Variants in ITGA8 observed in about 807,000 individuals in gnomAD.
The protein encoded by ITGA8 is integrin alpha-8.
Under a neutral mutation model 142.3 loss-of-function variants are expected in ITGA8, and 91 were observed. The observed-to-expected ratio is 0.64, with a 90% CI of 0.54 to 0.76. The LOEUF (loss-of-function observed/expected upper bound fraction) is 0.76. Ranked by LOEUF, ITGA8 falls within the 30% of genes least tolerant of loss-of-function variation. The pLI is 0.00. For synonymous variants in ITGA8, 505 were observed against 485.2 expected, an observed-to-expected ratio of 1.04 and a Z score of -0.54; for missense variants, 1,406 against 1,327.7, an observed-to-expected ratio of 1.06 and a Z score of -0.92.
intron 27 of ITGA8, among the ~76,000 whole-genome samples, chr10:15,536,564 C>A (rs370230934): frequency 2.0e-5 from 3 of 152,184 alleles, no homozygotes; most frequent in African/African-American, 7.2e-5. Context: ...TATAACCTCT[C>A]TCCCATATAG....
At chr10:15,627,397 G>T (rs1419609967) in intron 13 of ITGA8, among the ~76,000 whole-genome samples, 1 of 152,196 alleles carries the variant, frequency 6.6e-6, no homozygotes, top group Middle Eastern at 3.2e-3. Context: ...CTGTGGTCTG[G>T]TTGGACCGCC....
intron 27 of ITGA8, among the ~76,000 whole-genome samples, chr10:15,533,428 C>A (rs565109601): frequency 2.0e-5 from 3 of 152,094 alleles, no homozygotes. Context: ...TTATACAATT[C>A]GGAAACTTTT....
intron 26 of ITGA8, among the ~76,000 whole-genome samples, chr10:15,550,635 T>C (rs17137435): frequency 0.055 from 8,425 of 152,122 alleles, 758 homozygotes; most frequent in African/African-American, 0.19. Context: ...AGGGCATGCT[T>C]GAGAAAGGGA....
At chr10:15,589,202 C>T (rs1378903140) in intron 22 of ITGA8, among the ~76,000 whole-genome samples, 1 of 152,184 alleles carries the variant, frequency 6.6e-6, no homozygotes, top group Non-Finnish European at 1.5e-5. Context: ...CACTTTATTA[C>T]TCCAATGCTA....
At chr10:15,535,043 C>T (rs11812336) in intron 27 of ITGA8, among the ~76,000 whole-genome samples, 3,945 of 152,146 alleles carry the variant, frequency 0.026, 167 homozygotes, top group African/African-American at 0.09. Flanking sequence ...GTGAGTTCCG[C>T]GGGTGAGTGT....
chr10:15,627,410 C>A (rs1833604534), intron 13 of ITGA8, among the ~76,000 whole-genome samples: 1 of 152,196 alleles, frequency 6.6e-6, no homozygotes, highest in Non-Finnish European at 1.5e-5. Context: ...GGACCGCCAG[C>A]TTTCTGGCTT....
rs769292343 is a variant in ITGA8, at chr10:15,606,336, C to T, written c.1851G>A (p.Leu617=). Reference sequence around the variant, plus strand: ...AGTAGTTCAATATTGGTTTCACTTCCAGGCCTTCTTTAAAGGTGGATTCGT... The same window carrying T: ...AGTAGTTCAATATTGGTTTCACTTCTAGGCCTTCTTTAAAGGTGGATTCGT... ...SLDESTFKEG[L]EVKPILNYYR... Residue 617 remains leucine (L), a synonymous_variant, in exon 18 of 30, where the codon CTG becomes CTA. Coordinates refer to ENST00000378076, the MANE Select transcript of ITGA8 (RefSeq NM_003638.3). 6.2e-7 allele frequency: 1 copy of T among 1,612,190 alleles called. No homozygotes were observed. Among genetic ancestry groups the T allele is most frequent in the Admixed American group, 1.7e-5 (1 of 59,974 alleles).
intron 8 of ITGA8, among the ~76,000 whole-genome samples, chr10:15,668,032 G>A (rs1433248181): frequency 3.3e-5 from 5 of 152,282 alleles, no homozygotes; most frequent in South Asian, 4.1e-4. Flanking sequence ...ATGTCTATTA[G>A]GTCCACTTGG....
At chr10:15,521,042 A>G (rs1294396086) in intron 28 of ITGA8, among the ~76,000 whole-genome samples, 1 of 152,160 alleles carries the variant, frequency 6.6e-6, no homozygotes, top group East Asian at 1.9e-4. Context: ...TTTGTGAGAC[A>G]GTGTCTCACT....
At chr10:15,565,125 T>C (rs904245201) in intron 25 of ITGA8, among the ~76,000 whole-genome samples, 1 of 152,214 alleles carries the variant, frequency 6.6e-6, no homozygotes, top group Non-Finnish European at 1.5e-5. Flanking sequence ...GACTGTGTAA[T>C]TCTTTTTGAT....
Position 15,613,892 on chromosome 10 carries a change from C to G in ITGA8, c.1446-125G>C, listed in dbSNP as rs1437712915. 2.8e-5 allele frequency: 18 copies of G among 650,676 alleles called. No homozygotes were observed. The East Asian group carries it at 4.9e-4, about 18-fold the overall frequency. 40.3% of individuals were successfully genotyped at this position (650,676 alleles called of 1,614,324 possible). ...TACTCCACAGGCCATTGCCAACGTTCTCAGCATTTGTGCCAAGAATTTTGC... is the reference window on the plus strand; with the variant it reads ...TACTCCACAGGCCATTGCCAACGTTGTCAGCATTTGTGCCAAGAATTTTGC... On this transcript the variant is annotated intron_variant, in intron 14 of 29. Transcript: ENST00000378076.
chr10:15,559,017 AG>A (rs1833930879), intron 25 of ITGA8, among the ~76,000 whole-genome samples: 1 of 152,242 alleles, frequency 6.6e-6, no homozygotes, highest in Non-Finnish European at 1.5e-5. Context: ...TTCTCTTTGT[AG>A]TCACAGGAGC....
At position 15,647,056 on chromosome 10, in the gene ITGA8, A is replaced by G; in HGVS notation, c.1002-5T>C. 6.2e-7 allele frequency: 1 copy of G among 1,611,944 alleles called. No homozygotes were observed. Among genetic ancestry groups the G allele is most frequent in the Non-Finnish European group, 8.5e-7 (1 of 1,179,112 alleles). On this transcript the variant is annotated splice_region_variant and splice_polypyrimidine_tract_variant and intron_variant, in intron 11 of 29. Coordinates refer to ENST00000378076, the MANE Select transcript of ITGA8 (RefSeq NM_003638.3). ...CCAACCAGGACATCATCCAGTCTGTAAGGAACAAAGAAAGCAGCTCAGCAC... is the reference window on the plus strand; with the variant it reads ...CCAACCAGGACATCATCCAGTCTGTGAGGAACAAAGAAAGCAGCTCAGCAC...
intron 24 of ITGA8, among the ~76,000 whole-genome samples, chr10:15,575,254 G>T (rs1177005482): frequency 6.6e-6 from 1 of 152,120 alleles, no homozygotes; most frequent in Non-Finnish European, 1.5e-5. Context: ...GCCAGGTGTG[G>T]TGGTGTGTAC....
intron 21 of ITGA8, among the ~76,000 whole-genome samples, chr10:15,595,691 C>T (rs934217859): frequency 6.6e-6 from 1 of 152,166 alleles, no homozygotes; most frequent in Non-Finnish European, 1.5e-5. Context: ...AACGAGTGGT[C>T]CATCATCTAC....
chr10:15,628,250 G>A (rs543800252), intron 13 of ITGA8, among the ~76,000 whole-genome samples: 2 of 151,032 alleles, frequency 1.3e-5, no homozygotes, highest in African/African-American at 4.9e-5. Context: ...TCTGCCTATG[G>A]CAGCCATTCT....
At chr10:15,636,397 A>G (rs1012549481) in intron 13 of ITGA8, among the ~76,000 whole-genome samples, 2 of 152,212 alleles carry the variant, frequency 1.3e-5, no homozygotes, top group East Asian at 1.9e-4. Context: ...TTGATGCTAG[A>G]AATGAAAGTA....
intron 2 of ITGA8, among the ~76,000 whole-genome samples, chr10:15,706,787 C>T (rs1835266603): frequency 6.6e-6 from 1 of 152,118 alleles, no homozygotes; most frequent in East Asian, 1.9e-4. Flanking sequence ...TACTTCCTTA[C>T]TCAAAACCCA....
chr10:15,654,567 T>C (rs1258435975), intron 11 of ITGA8, among the ~76,000 whole-genome samples: 1 of 152,194 alleles, frequency 6.6e-6, no homozygotes, highest in Non-Finnish European at 1.5e-5. Context: ...CTAGCAAAAG[T>C]ATAGCTAAAG....
Sources: allele counts gnomAD v4.1 joint callset (sites outside exome capture counted in the v4.1 genomes callset), GRCh38; gene constraint gnomAD v4.1.1; transcripts MANE v1.5; gene names NCBI Gene and HGNC (gene_info 2026-07-23, HGNC 2026-07-21).